NRXN3: variants seen among roughly 807,000 people sequenced by gnomAD.
NRXN3 encodes the protein neurexin 3.
In NRXN3, 32 loss-of-function variants were observed where a neutral mutation model predicts 137.6. That is an observed-to-expected ratio of 0.23 (90% confidence interval 0.18 to 0.31). NRXN3 has a LOEUF of 0.31. NRXN3 is among the 10% of genes least tolerant of loss of function. The pLI, the probability that NRXN3 is intolerant of heterozygous loss-of-function variation, is 1.00. For missense variants in NRXN3, 1,574 were observed against 2,062.5 expected (o/e 0.76, Z 4.59); for synonymous variants, 798 against 784.5 (o/e 1.02, Z -0.29).
chr14:79,504,338 C>T (rs960478811), intron 16 of NRXN3, among the ~76,000 whole-genome samples: 3 of 152,056 alleles, frequency 2.0e-5, no homozygotes, highest in African/African-American at 7.2e-5. Flanking sequence ...TTTGCTTAGA[C>T]TGGAACACAA....
chr14:79,821,372 G>A (rs901608365), intron 20 of NRXN3, among the ~76,000 whole-genome samples: 1 of 152,134 alleles, frequency 6.6e-6, no homozygotes, highest in African/African-American at 2.4e-5. Flanking sequence ...AAATAGACCA[G>A]ACCAGATGCA....
chr14:78,322,023 C>G (rs965892549), intron 4 of NRXN3, among the ~76,000 whole-genome samples: 4 of 152,120 alleles, frequency 2.6e-5, no homozygotes, highest in Admixed American at 2.0e-4. Flanking sequence ...GGATCACACT[C>G]CCATTCCTTC....
chr14:78,905,395 C>G (rs962247622), intron 10 of NRXN3, among the ~76,000 whole-genome samples: 2 of 152,090 alleles, frequency 1.3e-5, no homozygotes, highest in Non-Finnish European at 2.9e-5. Context: ...CCCAACTGGA[C>G]AGTTAGTTTT....
At chr14:79,772,244 A>G (rs2099080966) in intron 19 of NRXN3, among the ~76,000 whole-genome samples, 1 of 152,138 alleles carries the variant, frequency 6.6e-6, no homozygotes, top group Non-Finnish European at 1.5e-5. Flanking sequence ...TCAAGTTACC[A>G]ATGACTTTCT....
At chr14:79,271,457 T>C (rs2079299958) in intron 15 of NRXN3, among the ~76,000 whole-genome samples, 1 of 123,064 alleles carries the variant, frequency 8.1e-6, no homozygotes, top group African/African-American at 3.1e-5. Flanking sequence ...TCCCTTCCCT[T>C]CCCTCCCCTC....
intron 4 of NRXN3, among the ~76,000 whole-genome samples, chr14:78,547,739 A>G (rs2096650237): frequency 6.6e-6 from 1 of 152,054 alleles, no homozygotes. Context: ...TGATATAAAT[A>G]GAAATATTTT....
chr14:78,740,858 T>C (rs1338886319), intron 8 of NRXN3, among the ~76,000 whole-genome samples: 1 of 152,212 alleles, frequency 6.6e-6, no homozygotes, highest in African/African-American at 2.4e-5. Context: ...TTAGCTCTGA[T>C]ATTTTAATTT....
intron 4 of NRXN3, among the ~76,000 whole-genome samples, chr14:78,492,343 C>T (rs1257233408): frequency 2.6e-5 from 4 of 151,890 alleles, no homozygotes; most frequent in South Asian, 2.1e-4. Flanking sequence ...AAATAATTAC[C>T]GTCAATTAAC....
chr14:78,706,539 C>T (rs898534605), intron 6 of NRXN3, among the ~76,000 whole-genome samples: 1 of 152,152 alleles, frequency 6.6e-6, no homozygotes, highest in African/African-American at 2.4e-5. Flanking sequence ...AGGTTCAAGT[C>T]CTGCTCTGCC....
chr14:78,843,824 G>T (rs1005268451), intron 10 of NRXN3, among the ~76,000 whole-genome samples: 16 of 152,088 alleles, frequency 1.1e-4, no homozygotes, highest in African/African-American at 3.6e-4. Flanking sequence ...ATTTTAAGTT[G>T]TTATGGCTGG....
chr14:79,336,382 C>T (rs1468492493), intron 15 of NRXN3, among the ~76,000 whole-genome samples: 5 of 152,152 alleles, frequency 3.3e-5, no homozygotes, highest in Non-Finnish European at 7.4e-5. Context: ...GAAAACCGGG[C>T]ACTGAGTGGC....
intron 1 of NRXN3, among the ~76,000 whole-genome samples, chr14:78,178,515 G>A (rs573360409): frequency 1.3e-5 from 2 of 152,246 alleles, no homozygotes; most frequent in South Asian, 4.2e-4. Context: ...GTGATAGGTG[G>A]GCAGAAGGTA....
intron 6 of NRXN3, among the ~76,000 whole-genome samples, chr14:78,694,827 G>A (rs1250276986): frequency 6.6e-6 from 1 of 151,956 alleles, no homozygotes; most frequent in East Asian, 1.9e-4. Context: ...AGCCTCAAAG[G>A]ATGCAAGCCT....
intron 16 of NRXN3, among the ~76,000 whole-genome samples, chr14:79,592,206 C>A (rs2097811903): frequency 6.6e-6 from 1 of 152,172 alleles, no homozygotes; most frequent in South Asian, 2.1e-4. Context: ...GCTTCTTTCA[C>A]TCAGCATACT....
chr14:78,564,775 T>G (rs998865519), intron 4 of NRXN3, among the ~76,000 whole-genome samples: 1 of 152,190 alleles, frequency 6.6e-6, no homozygotes. Flanking sequence ...CCAAACCTTG[T>G]GCAGGCCTAC....
intron 19 of NRXN3, among the ~76,000 whole-genome samples, chr14:79,787,912 C>T (rs964550089): frequency 3.3e-5 from 5 of 152,164 alleles, no homozygotes; most frequent in African/African-American, 1.2e-4. Context: ...ATGGGAAATA[C>T]TTCCTCTCTT....
intron 8 of NRXN3, among the ~76,000 whole-genome samples, chr14:78,798,926 AGC>A: frequency 6.6e-6 from 1 of 152,232 alleles, no homozygotes; most frequent in East Asian, 1.9e-4. Flanking sequence ...GGCTGCACAC[AGC>A]GAGGGGTTTG....
At chr14:78,810,863 TA>T (rs1405413437) in intron 10 of NRXN3, among the ~76,000 whole-genome samples, 1 of 152,174 alleles carries the variant, frequency 6.6e-6, no homozygotes, top group Admixed American at 6.5e-5. Flanking sequence ...GGCAACACTT[TA>T]ACCAAAGACT....
At position 79,028,949 on chromosome 14, in the gene NRXN3, A is replaced by G. The variant is rs116610362; in HGVS notation, c.3262+40808A>G. Among the ~76,000 whole-genome samples, 967 of 152,236 alleles carry G rather than the reference A, an allele frequency of 6.4e-3. 10 individuals are homozygous for G. The highest frequency in any genetic ancestry group is 0.022 in the African/African-American group (916 of 41,560). On this transcript the variant is annotated intron_variant, in intron 15 of 20. Coordinates refer to ENST00000335750, the MANE Select transcript of NRXN3 (RefSeq NM_001330195.2). The stretch of plus-strand genomic sequence containing the variant: ...ATCTTTACAGAGAGAAAGCATTGGG[A>G]TGGGGATGAGGCTATGCTCAGCCAG...
Sources: allele counts gnomAD v4.1 joint callset (sites outside exome capture counted in the v4.1 genomes callset), GRCh38; gene constraint gnomAD v4.1.1; transcripts MANE v1.5; gene names NCBI Gene and HGNC (gene_info 2026-07-23, HGNC 2026-07-21).